The following CKAP2 variants were observed in gnomAD, a reference collection of about 807,000 sequenced individuals.
The protein encoded by CKAP2 is cytoskeleton associated protein 2.
Under a neutral mutation model 58.4 loss-of-function variants are expected in CKAP2, and 46 were observed. That is an observed-to-expected ratio of 0.79 (90% confidence interval 0.62 to 1.01). The LOEUF is 1.01. CKAP2 is among the 50% of genes least tolerant of loss of function. The probability of loss-of-function intolerance (pLI) is 0.00; values close to 1 mark genes in which losing one functional copy is unlikely to be tolerated. For synonymous variants in CKAP2, 293 were observed against 280.9 expected, an observed-to-expected ratio of 1.04 and a Z score of -0.43; for missense variants, 809 against 796.4, an observed-to-expected ratio of 1.02 and a Z score of -0.19.
intron 6 of CKAP2, 107 bp from the exon 7 acceptor site, chr13:52,468,171 C>CTG (rs78807234): frequency 0.052 from 33,991 of 652,754 alleles, 1,012 homozygotes; most frequent in Middle Eastern, 0.087. Context: ...AAGAGCCACT[C>CTG]TTACTTTAAA....
At chr13:52,465,982 C>G (rs910016650) in intron 6 of CKAP2, 5 of 248,438 alleles carry the variant, frequency 2.0e-5, no homozygotes, top group Non-Finnish European at 3.2e-5. Flanking sequence ...CATATATGCA[C>G]ACATATATGC....
At position 52,465,201 on chromosome 13, in the gene CKAP2, A is replaced by G. The variant is rs188862642; in HGVS notation, c.1306-94A>G. 531 of 1,052,166 alleles carry G rather than the reference A, an allele frequency of 5.0e-4. 3 individuals are homozygous for G. Among genetic ancestry groups the G allele is most frequent in the African/African-American group, 3.3e-3 (204 of 62,656 alleles). 65.2% of individuals were successfully genotyped at this position (1,052,166 alleles called of 1,614,324 possible). ...ATTTTTTTGCTTTATGCTTAGGGCTATCGTTATCATTGATCTTGACTATAG... is the reference window on the plus strand; with the variant it reads ...ATTTTTTTGCTTTATGCTTAGGGCTGTCGTTATCATTGATCTTGACTATAG... On this transcript the variant is annotated intron_variant, in intron 5 of 8. Coordinates refer to ENST00000258607, the MANE Select transcript of CKAP2 (RefSeq NM_018204.5).
chr13:52,463,084 T>C (rs1958610110), intron 5 of CKAP2, among the ~76,000 whole-genome samples: 1 of 152,110 alleles, frequency 6.6e-6, no homozygotes, highest in Non-Finnish European at 1.5e-5. Context: ...ATTACAAGTG[T>C]GCACCACACG....
chr13:52,470,051 A>G (rs997734464), intron 7 of CKAP2, among the ~76,000 whole-genome samples: 1 of 151,950 alleles, frequency 6.6e-6, no homozygotes, highest in African/African-American at 2.4e-5. Flanking sequence ...ACCATCGCCT[A>G]TATATCTAGT....
rs1566106167 is a variant in CKAP2, at chr13:52,474,015, CCCCCA to C, written c.1734_1738del (p.Pro579TyrfsTer10). On this transcript the variant is annotated frameshift_variant, in exon 8 of 9. Transcript: ENST00000258607. LOFTEE classifies it high-confidence loss of function. ...AAAGATCCAACCCATGATGTTAAAA[CCCCCA>C]ATACAGAAACGAGGACAAGTTGCTT... 6.2e-7 allele frequency: 1 copy of C among 1,613,848 alleles called. No homozygotes were observed. The highest frequency in any genetic ancestry group is 1.1e-5 in the South Asian group (1 of 91,060).
At chr13:52,463,819 A>G (rs1408697544) in intron 5 of CKAP2, among the ~76,000 whole-genome samples, 1 of 152,150 alleles carries the variant, frequency 6.6e-6, no homozygotes, top group Non-Finnish European at 1.5e-5. Context: ...TGATTTTATA[A>G]AGGGACATGA....
chr13:52,469,889 A>T (rs1327961337), intron 7 of CKAP2, among the ~76,000 whole-genome samples: 1 of 151,804 alleles, frequency 6.6e-6, no homozygotes, highest in African/African-American at 2.4e-5. Flanking sequence ...AGCCACCGTG[A>T]AATAATATTT....
At chr13:52,466,788 C>A (rs1311780049) in intron 6 of CKAP2, among the ~76,000 whole-genome samples, 1 of 151,938 alleles carries the variant, frequency 6.6e-6, no homozygotes, top group African/African-American at 2.4e-5. Context: ...GCCTGGGCAA[C>A]ATAGACCCCA....
rs778665507 is a variant in CKAP2, at chr13:52,461,287, A to G, written c.461A>G (p.Lys154Arg). 31 of 1,613,746 alleles carry G rather than the reference A, an allele frequency of 1.9e-5. 1 individual carries two copies. The South Asian group carries it at 3.1e-4, about 16-fold the overall frequency. The part of the protein sequence containing the change: ...SQAFHLKNNS[K>R]KKQMTTEKQK... ...GCATTTCACCTTAAAAACAATAGTA[A>G]AAAGAAACAAATGACTACAGAAAAA... The change falls in exon 4 of 9, where the codon AAA (lysine) becomes AGA (arginine). Residue 154 changes from lysine (K) to arginine (R), a missense_variant. By Grantham distance (26) the Lys-to-Arg change is conservative (BLOSUM62 2). Around this residue, in one of 3 missense-constraint regions of CKAP2, gnomAD observed 523 missense variants for 492.4 expected, o/e 1.06. Transcript: ENST00000258607.
At chr13:52,470,882 G>A (rs537627249) in intron 7 of CKAP2, among the ~76,000 whole-genome samples, 3 of 151,896 alleles carry the variant, frequency 2.0e-5, no homozygotes, top group Admixed American at 2.0e-4. Context: ...AGTCCTGGCC[G>A]GGCATGGTGG....
In CKAP2 at chr13:52,456,486, C is replaced by G. The variant is rs748372977; in HGVS notation, c.71-37C>G. Reference sequence around the variant, plus strand: ...TTATTTGCCGTTATCGATGTTTTAACTAATATTGACTTGTAGCTCTTACCT... The same window carrying G: ...TTATTTGCCGTTATCGATGTTTTAAGTAATATTGACTTGTAGCTCTTACCT... On this transcript the variant is annotated intron_variant, in intron 1 of 8. Coordinates refer to ENST00000258607, the MANE Select transcript of CKAP2 (RefSeq NM_018204.5). 1.7e-5 allele frequency: 24 copies of G among 1,440,214 alleles called. 1 individual carries two copies. The highest frequency in any genetic ancestry group is 2.2e-5 in the Non-Finnish European group (23 of 1,034,584). The allele number at this position is 1,440,214 out of a possible 1,614,324, so 89.2% of individuals were successfully genotyped here.
At chr13:52,472,902 G>A (rs1431162371) in intron 7 of CKAP2, among the ~76,000 whole-genome samples, 1 of 152,104 alleles carries the variant, frequency 6.6e-6, no homozygotes, top group Non-Finnish European at 1.5e-5. Context: ...AATTAGCTGG[G>A]TATGGTGGTA....
rs1958828167 is a variant in CKAP2, at chr13:52,476,291, A to AT, written c.*1150_*1151insT. The AT allele has an allele frequency of 6.6e-6, 1 of 152,182 alleles. No homozygotes were observed. Among genetic ancestry groups the AT allele is most frequent in the Non-Finnish European group, 1.5e-5 (1 of 68,022 alleles). 9.4% of individuals were successfully genotyped at this position (152,182 alleles called of 1,614,324 possible). A position where few individuals can be genotyped will look rare whatever the true frequency, so the allele number is the denominator to read the frequency against. On this transcript the variant is annotated 3_prime_UTR_variant, in exon 9 of 9. Coordinates refer to ENST00000258607, the MANE Select transcript of CKAP2 (RefSeq NM_018204.5). ...TATTTATTGACTTCTCATGTTCTAG[A>AT]GAGTAGGACTTTTATTCCGTGTACC...
chr13:52,455,705 C>T, intron 1 of CKAP2, 79 bp downstream of exon 1: 2 of 1,352,630 alleles, frequency 1.5e-6, no homozygotes, highest in Non-Finnish European at 9.5e-7. Context: ...GGCTCGGGGC[C>T]GCGCTGGCGC....
rs919587905 is a variant in CKAP2, at chr13:52,473,793, A to C, written c.1547-36A>C. 4.5e-6 allele frequency: 7 copies of C among 1,546,526 alleles called. No homozygotes were observed. The East Asian group carries it at 1.4e-4, about 30-fold the overall frequency. On this transcript the variant is annotated intron_variant, in intron 7 of 8. Transcript: ENST00000258607. ...TCTTCTGATTTTGTTCTTAAAATTCAGCCAAAAGCTTAATCTATAAATGTA... is the reference window on the plus strand; with the variant it reads ...TCTTCTGATTTTGTTCTTAAAATTCCGCCAAAAGCTTAATCTATAAATGTA...
Position 52,461,207 on chromosome 13 carries a change from G to A in CKAP2, c.381G>A (p.Pro127=), listed in dbSNP as rs763445264. ...THKPKDSNQT[P]HLLLTEDDPQ... ...AACCTAAGGATAGTAATCAAACTCC[G>A]CATTTGTTACTAACTGAAGATGATC... The change falls in exon 4 of 9, where the codon CCG becomes CCA. Residue 127 remains proline (P), a synonymous_variant. Transcript: ENST00000258607. The A allele has an allele frequency of 2.3e-5, 37 of 1,613,856 alleles. No homozygotes were observed. Among genetic ancestry groups the A allele is most frequent in the South Asian group, 2.2e-4 (20 of 90,974 alleles).
rs944711607 is a variant in CKAP2 at position 52,456,415 on chromosome 13, G to A, written c.71-108G>A. On this transcript the variant is annotated intron_variant, in intron 1 of 8. Transcript: ENST00000258607. ...TTTCTGTTATATAGATGTGACCTCA[G>A]GTGGAACCAGCTTTGGAAGTAAACT... is the stretch of plus-strand genomic sequence containing the variant. 2.8e-5 allele frequency: 26 copies of A among 912,928 alleles called. No homozygotes were observed. The East Asian group carries it at 5.9e-4, about 21-fold the overall frequency. The allele number at this position is 912,928 out of a possible 1,614,324, so 56.6% of individuals were successfully genotyped here. A position where few individuals can be genotyped will look rare whatever the true frequency, so the allele number is the denominator to read the frequency against.
At chr13:52,466,010 C>A (rs956486088) in intron 6 of CKAP2, among the ~76,000 whole-genome samples, 1 of 151,422 alleles carries the variant, frequency 6.6e-6, no homozygotes, top group East Asian at 1.9e-4. Flanking sequence ...TATATACACA[C>A]ATACACATAT....
chr13:52,459,247 A>T lies in CKAP2; in HGVS notation c.156-1652A>T, dbSNP rs555709095. ...CCTTCTCCAAGCTGACAGAACAAAT[A>T]GATATGAAAGGCAATGTAAGCAAAA... On this transcript the variant is annotated intron_variant, in intron 2 of 8. Transcript: ENST00000258607. Among the ~76,000 whole-genome samples the T allele has an allele frequency of 1.6e-4, 24 of 152,374 alleles. 1 individual carries two copies. In the South Asian group the frequency reaches 1.9e-3, roughly 12 times the overall value.
Sources: allele counts gnomAD v4.1 joint callset (sites outside exome capture counted in the v4.1 genomes callset), GRCh38; gene constraint gnomAD v4.1.1; regional missense constraint gnomAD v4.1.1; transcripts MANE v1.5; gene names NCBI Gene and HGNC (gene_info 2026-07-23, HGNC 2026-07-21).